TRIM16: variants seen among roughly 807,000 people sequenced by gnomAD.
TRIM16 encodes the protein tripartite motif-containing protein 16.
TRIM16 carries 33 observed loss-of-function variants against 50.4 expected under a neutral mutation model. That is an observed-to-expected ratio of 0.65 (90% confidence interval 0.50 to 0.88). The LOEUF (loss-of-function observed/expected upper bound fraction) is 0.88, where lower values mean the gene tolerates loss of function less well. Among genes scored for constraint, TRIM16 ranks in the 40% least tolerant of loss-of-function variants. TRIM16 has a pLI of 0.00. For missense variants in TRIM16, 581 were observed against 686.8 expected (o/e 0.85, Z 1.72); for synonymous variants, 229 against 270.7 (o/e 0.85, Z 1.51).
At chr17:15,661,743 C>T (rs555393072) in intron 6 of TRIM16, among the ~76,000 whole-genome samples, 1 of 152,312 alleles carries the variant, frequency 6.6e-6, no homozygotes, top group Admixed American at 6.5e-5. Flanking sequence ...CCTTTTCTCC[C>T]TTAAGCTCCA....
chr17:15,646,014 C>T (rs1341047445), intron 7 of TRIM16, among the ~76,000 whole-genome samples: 1 of 152,132 alleles, frequency 6.6e-6, no homozygotes, highest in African/African-American at 2.4e-5. Context: ...AGAACACACC[C>T]TAGCAACAGG....
chr17:15,648,569 G>A (rs1405532430), intron 7 of TRIM16, among the ~76,000 whole-genome samples: 4 of 152,152 alleles, frequency 2.6e-5, no homozygotes, highest in Non-Finnish European at 4.4e-5. Flanking sequence ...ATGCCTGTCC[G>A]AGTAATTAGC....
rs375375292 is a variant in TRIM16 at position 15,632,592 on chromosome 17, C to T, written c.932G>A (p.Arg311His). The T allele has an allele frequency of 5.0e-6, 8 of 1,613,786 alleles. No individual in the cohort carries two copies. The highest frequency in any genetic ancestry group is 1.3e-5 in the African/African-American group (1 of 74,922). Residue 311 changes from arginine (R) to histidine (H), a missense_variant, in exon 10 of 12, where the codon CGC becomes CAC. Physicochemically the swap from Arg to His is conservative, Grantham distance 29 (BLOSUM62 0). Coordinates refer to ENST00000649191, the MANE Select transcript of TRIM16 (RefSeq NM_001348119.1). ...TACAGTGGATTCCGTGATAACTTTG[C>T]GGATGCCCGAGAGTTTATCCTTCAG... ...VGLKDKLSGI[R>H]KVITESTVHL...
At chr17:15,634,853 C>T (rs1028339262) in intron 9 of TRIM16, among the ~76,000 whole-genome samples, 2 of 148,506 alleles carry the variant, frequency 1.3e-5, no homozygotes, top group African/African-American at 5.0e-5. Context: ...AGTTACAAAA[C>T]GAGAAAAGAG....
chr17:15,670,664 C>T (rs2151420127), intron 6 of TRIM16, among the ~76,000 whole-genome samples: 1 of 152,270 alleles, frequency 6.6e-6, no homozygotes, highest in East Asian at 1.9e-4. Context: ...GGGATGATGA[C>T]AAATGATCCA....
chr17:15,678,658 C>T (rs1388786328), intron 4 of TRIM16, among the ~76,000 whole-genome samples: 2 of 152,186 alleles, frequency 1.3e-5, no homozygotes, highest in Admixed American at 6.6e-5. Context: ...ATGGCTATGA[C>T]AGCAAACAAT....
chr17:15,666,506 C>T (rs1567686825), intron 6 of TRIM16, among the ~76,000 whole-genome samples: 1 of 152,142 alleles, frequency 6.6e-6, no homozygotes, highest in Admixed American at 6.5e-5. Context: ...TAACCACCAC[C>T]CAATCAAGAT....
At chr17:15,646,970 T>TTC (rs1364788613) in intron 7 of TRIM16, among the ~76,000 whole-genome samples, 1 of 138,636 alleles carries the variant, frequency 7.2e-6, no homozygotes, top group African/African-American at 2.7e-5. Context: ...AAATAAATTC[T>TTC]TTTTTTTTTT....
chr17:15,633,186 G>A (rs1279475921), intron 9 of TRIM16, among the ~76,000 whole-genome samples: 2 of 152,042 alleles, frequency 1.3e-5, no homozygotes, highest in Non-Finnish European at 2.9e-5. Flanking sequence ...ATAGTTTCAT[G>A]TAAGTTTTGA....
chr17:15,644,115 G>A (rs1987241525), intron 7 of TRIM16, among the ~76,000 whole-genome samples: 1 of 152,182 alleles, frequency 6.6e-6, no homozygotes, highest in Non-Finnish European at 1.5e-5. Flanking sequence ...TCCAGTGCAG[G>A]GTGCACACCC....
rs1391268692 is a variant in TRIM16 at position 15,636,213 on chromosome 17, A to G, written c.672T>C (p.Ala224=). 8 of 1,609,012 alleles carry G rather than the reference A, an allele frequency of 5.0e-6. No individual in the cohort carries two copies. The Admixed American group carries it at 1.3e-4, about 27-fold the overall frequency. Residue 224 remains alanine (A), a synonymous_variant, in exon 9 of 12, where the codon GCT becomes GCC. Transcript: ENST00000649191. ...VAEMQFGELL[A]AVRKAQANVM... ...CATTGGCCTGGGCCTTCCTCACAGC[A>G]GCAAGGAGTTCCCCAAACTGCATTT...
In TRIM16 at chr17:15,679,794, G is replaced by A. The variant is rs558553671; in HGVS notation, c.-590+1071C>T. On this transcript the variant is annotated intron_variant, in intron 4 of 11. Coordinates refer to ENST00000649191, the MANE Select transcript of TRIM16 (RefSeq NM_001348119.1). Reference sequence around the variant, plus strand: ...CTACTAAAAATACAAAAAATTAGCCGGGCGCGGTGGCGGGTGCCTGTAGTC... The same window carrying A: ...CTACTAAAAATACAAAAAATTAGCCAGGCGCGGTGGCGGGTGCCTGTAGTC... Among the ~76,000 whole-genome samples the A allele has an allele frequency of 5.8e-4, 88 of 152,198 alleles. 1 individual carries two copies. The highest frequency in any genetic ancestry group is 1.9e-3 in the African/African-American group (77 of 41,510).
chr17:15,667,501 G>A (rs530877019), intron 6 of TRIM16, among the ~76,000 whole-genome samples: 4 of 152,110 alleles, frequency 2.6e-5, no homozygotes, highest in East Asian at 1.9e-4. Context: ...AAATGTACAC[G>A]TGCAATTGTG....
At chr17:15,648,671 G>A (rs1321065599) in intron 7 of TRIM16, among the ~76,000 whole-genome samples, 1 of 152,204 alleles carries the variant, frequency 6.6e-6, no homozygotes, top group Non-Finnish European at 1.5e-5. Flanking sequence ...CCTTAGTTAT[G>A]TCTGATGACT....
chr17:15,652,136 G>GTTTCT (rs1192566219), intron 6 of TRIM16, 190 bp from the exon 7 acceptor site: 40 of 185,002 alleles, frequency 2.2e-4, no homozygotes, highest in Non-Finnish European at 3.9e-4. Context: ...TAGGATGCAT[G>GTTTCT]TTTCTTTTCT....
At chr17:15,661,728 G>T (rs1288934922) in intron 6 of TRIM16, among the ~76,000 whole-genome samples, 1 of 152,184 alleles carries the variant, frequency 6.6e-6, no homozygotes, top group African/African-American at 2.4e-5. Flanking sequence ...TCTTTACTCA[G>T]AGCGCCTTTT....
At chr17:15,635,967 T>C (rs374331393) in intron 9 of TRIM16, 69 bp downstream of exon 9, 2 of 1,540,358 alleles carry the variant, frequency 1.3e-6, no homozygotes, top group African/African-American at 1.4e-5. Context: ...CAGATGGCCA[T>C]GGGCCTAGCA....
At chr17:15,644,855 G>A (rs1037090358) in intron 7 of TRIM16, among the ~76,000 whole-genome samples, 42 of 151,806 alleles carry the variant, frequency 2.8e-4, no homozygotes, top group African/African-American at 9.5e-4. Context: ...TCACACTGTC[G>A]TCCAGGCTGG....
intron 6 of TRIM16, among the ~76,000 whole-genome samples, chr17:15,655,084 A>G (rs1043374949): frequency 6.6e-6 from 1 of 152,098 alleles, no homozygotes; most frequent in Non-Finnish European, 1.5e-5. Context: ...CATGGTTTTC[A>G]TGTCTCCAGC....
Sources: allele counts gnomAD v4.1 joint callset (sites outside exome capture counted in the v4.1 genomes callset), GRCh38; gene constraint gnomAD v4.1.1; transcripts MANE v1.5; gene names NCBI Gene and HGNC (gene_info 2026-07-23, HGNC 2026-07-21).